The following PAPPA variants were observed in gnomAD, a reference collection of about 807,000 sequenced individuals.
The protein encoded by PAPPA is pappalysin-1.
Under a neutral mutation model 164.0 loss-of-function variants are expected in PAPPA, and 60 were observed. The observed-to-expected ratio is 0.37, with a 90% CI of 0.30 to 0.45. The LOEUF (loss-of-function observed/expected upper bound fraction) is 0.45, where lower values mean the gene tolerates loss of function less well. PAPPA is among the 20% of genes least tolerant of loss of function. PAPPA has a pLI of 1.00. For missense variants in PAPPA, 1,782 were observed against 2,087.3 expected, an observed-to-expected ratio of 0.85 and a Z score of 2.85; for synonymous variants, 875 against 814.1, an observed-to-expected ratio of 1.07 and a Z score of -1.27.
At chr9:116,384,893 G>C (rs114041565) in intron 21 of PAPPA, among the ~76,000 whole-genome samples, 3,247 of 152,254 alleles carry the variant, frequency 0.021, 64 homozygotes, top group African/African-American at 0.044. Flanking sequence ...TGGAGAAAGA[G>C]CAGCTCTGTT....
intron 9 of PAPPA, among the ~76,000 whole-genome samples, chr9:116,284,055 G>A (rs1421475810): frequency 1.3e-5 from 2 of 152,154 alleles, no homozygotes; most frequent in Non-Finnish European, 2.9e-5. Context: ...TCATCACATA[G>A]GCTTTTATTT....
At chr9:116,322,410 CAAA>C (rs34749732) in intron 10 of PAPPA, among the ~76,000 whole-genome samples, 3 of 56,350 alleles carry the variant, frequency 5.3e-5, no homozygotes, top group African/African-American at 1.4e-4. Context: ...GACTTAGTCT[CAAA>C]AAAAAAAAAA....
chr9:116,384,270 T>TTAATAATAAA (rs1846773449), intron 21 of PAPPA, among the ~76,000 whole-genome samples: 1 of 138,270 alleles, frequency 7.2e-6, no homozygotes, highest in African/African-American at 2.7e-5. Flanking sequence ...CTACACGTAA[T>TTAATAATAAA]TAATAATAAT....
At chr9:116,171,515 C>G (rs1337966144) in intron 1 of PAPPA, among the ~76,000 whole-genome samples, 2 of 146,470 alleles carry the variant, frequency 1.4e-5, no homozygotes, top group Non-Finnish European at 3.0e-5. Flanking sequence ...CTCTGTCCAC[C>G]CTTACAAAGC....
At chr9:116,198,894 A>T (rs1194326912) in intron 2 of PAPPA, among the ~76,000 whole-genome samples, 2 of 152,126 alleles carry the variant, frequency 1.3e-5, no homozygotes, top group Non-Finnish European at 2.9e-5. Flanking sequence ...TTATGATATG[A>T]GGGACCTCAT....
At chr9:116,285,277 C>A (rs1024868677) in intron 9 of PAPPA, among the ~76,000 whole-genome samples, 2 of 139,356 alleles carry the variant, frequency 1.4e-5, no homozygotes, top group Non-Finnish European at 3.0e-5. Flanking sequence ...TCAAGTGATT[C>A]TCCTGCCTCA....
At chr9:116,213,423 A>G (rs1182635775) in intron 4 of PAPPA, among the ~76,000 whole-genome samples, 1 of 152,150 alleles carries the variant, frequency 6.6e-6, no homozygotes, top group Non-Finnish European at 1.5e-5. Context: ...TGCTCAAAAA[A>G]GACCAGGGTG....
Position 116,352,740 on chromosome 9 carries a change from G to T in PAPPA, c.3999G>T (p.Gly1333=), listed in dbSNP as rs751712893. 6 of 1,613,156 alleles carry T rather than the reference G, an allele frequency of 3.7e-6. No individual in the cohort carries two copies. The highest frequency in any genetic ancestry group is 3.4e-6 in the Non-Finnish European group (4 of 1,180,020). The stretch of plus-strand genomic sequence containing the variant: ...GCCTCCTGACCTGCATGGAGGATGG[G>T]CTGTGGTCCTTCCCAGAGGCCCTGT... ...NNSLLTCMED[G]LWSFPEALCE... Residue 1333 remains glycine, a synonymous_variant, in exon 16 of 22, where the codon GGG becomes GGT. Coordinates refer to ENST00000328252, the MANE Select transcript of PAPPA (RefSeq NM_002581.5).
intron 7 of PAPPA, among the ~76,000 whole-genome samples, chr9:116,238,282 G>A (rs1844695406): frequency 6.6e-6 from 1 of 152,306 alleles, no homozygotes. Context: ...AACTGAGAAA[G>A]GCCAGGCTCT....
chr9:116,346,994 C>A (rs922431479), intron 14 of PAPPA, 32 bp from the exon 15 acceptor site: 12 of 1,571,990 alleles, frequency 7.6e-6, no homozygotes, highest in Non-Finnish European at 1.0e-5. Flanking sequence ...CTCAGTCTGC[C>A]ACTCCTCACT....
chr9:116,352,927 T>TTG lies in PAPPA; in HGVS notation c.4175+12_4175+13dup, dbSNP rs1846303571. On this transcript the variant is annotated intron_variant, in intron 16 of 21. Transcript: ENST00000328252. ...TCGGAAGTCAAAGAAGTAAGTGGGG[T>TTG]TGGAAATGCAAACTTATGGTCTCTG... is the stretch of plus-strand genomic sequence containing the variant. The TTG allele has an allele frequency of 6.2e-7, 1 of 1,605,872 alleles. No homozygotes were observed. The highest frequency in any genetic ancestry group is 8.5e-7 in the Non-Finnish European group (1 of 1,173,226).
At chr9:116,384,631 G>A (rs978276718) in intron 21 of PAPPA, among the ~76,000 whole-genome samples, 31 of 152,086 alleles carry the variant, frequency 2.0e-4, no homozygotes, top group African/African-American at 7.2e-4. Context: ...TGATGCTCAT[G>A]AGCGTCTTTG....
chr9:116,155,418 T>C (rs1314179564), intron 1 of PAPPA, among the ~76,000 whole-genome samples: 1 of 152,160 alleles, frequency 6.6e-6, no homozygotes, highest in Non-Finnish European at 1.5e-5. Flanking sequence ...CCAGCATCCA[T>C]TTTCCCCCCT....
At chr9:116,366,369 T>C (rs1291100344) in intron 18 of PAPPA, among the ~76,000 whole-genome samples, 1 of 152,212 alleles carries the variant, frequency 6.6e-6, no homozygotes, top group Non-Finnish European at 1.5e-5. Flanking sequence ...GGCTTCTATG[T>C]AGTAGCCCTA....
intron 14 of PAPPA, among the ~76,000 whole-genome samples, chr9:116,345,059 G>A (rs1190464934): frequency 6.6e-6 from 1 of 152,220 alleles, no homozygotes; most frequent in Non-Finnish European, 1.5e-5. Flanking sequence ...GACAAGGTGA[G>A]CCCTCTGTCA....
At chr9:116,231,470 C>G (rs1436907939) in intron 6 of PAPPA, among the ~76,000 whole-genome samples, 1 of 152,146 alleles carries the variant, frequency 6.6e-6, no homozygotes, top group Non-Finnish European at 1.5e-5. Context: ...GACTTGCCAT[C>G]TCCTTGCATG....
At chr9:116,327,121 C>T (rs1295090609) in intron 10 of PAPPA, among the ~76,000 whole-genome samples, 1 of 152,142 alleles carries the variant, frequency 6.6e-6, no homozygotes, top group African/African-American at 2.4e-5. Flanking sequence ...TAGGGAAACC[C>T]AAAGCCTAGT....
chr9:116,299,416 T>G (rs1198204718), intron 9 of PAPPA, among the ~76,000 whole-genome samples: 1 of 152,168 alleles, frequency 6.6e-6, no homozygotes. Context: ...GCAGACAAAT[T>G]TATTGTGGTC....
At chr9:116,163,445 G>A (rs560580746) in intron 1 of PAPPA, among the ~76,000 whole-genome samples, 3 of 152,274 alleles carry the variant, frequency 2.0e-5, no homozygotes, top group African/African-American at 4.8e-5. Context: ...TTTGAGCTAG[G>A]AGATGTCAGT....
Sources: gnomAD v4.1 joint callset for allele counts (sites outside exome capture counted in the v4.1 genomes callset) on GRCh38, gnomAD v4.1.1 for gene constraint, MANE v1.5 for transcripts, NCBI Gene and HGNC (gene_info 2026-07-23, HGNC 2026-07-21) for gene names.